Variants in PARD3 observed in about 807,000 individuals in gnomAD.
PARD3 encodes the protein par-3 family cell polarity regulator, also known as partitioning defective 3 homolog.
A neutral mutation model predicts 155.4 loss-of-function variants in PARD3; 75 were observed. The observed-to-expected ratio is 0.48, with a 90% CI of 0.40 to 0.58. The LOEUF (loss-of-function observed/expected upper bound fraction) is 0.58, where lower values mean the gene tolerates loss of function less well. Ranked by LOEUF, PARD3 falls within the 20% of genes least tolerant of loss-of-function variation. The pLI, the probability that PARD3 is intolerant of heterozygous loss-of-function variation, is 0.00. For synonymous variants in PARD3, 576 were observed against 610.5 expected (o/e 0.94, Z 0.83); for missense variants, 1,642 against 1,721.7 (o/e 0.95, Z 0.82).
At chr10:34,142,376 T>TAA (rs879790428) in intron 22 of PARD3, among the ~76,000 whole-genome samples, 46 of 144,354 alleles carry the variant, frequency 3.2e-4, no homozygotes, top group African/African-American at 1.1e-3. Context: ...ACCCCATCTC[T>TAA]AAAAAAAAAA....
chr10:34,629,637 A>G (rs1241722280), intron 2 of PARD3, among the ~76,000 whole-genome samples: 1 of 152,244 alleles, frequency 6.6e-6, no homozygotes, highest in Admixed American at 6.5e-5. Flanking sequence ...CAAAATTAAT[A>G]TTGCACTGCA....
intron 2 of PARD3, among the ~76,000 whole-genome samples, chr10:34,643,229 C>T (rs2092734373): frequency 6.6e-6 from 1 of 152,246 alleles, no homozygotes; most frequent in Admixed American, 6.5e-5. Flanking sequence ...CCTGGAGCCC[C>T]CTCGTCTTGT....
chr10:34,459,012 A>C (rs578119919), intron 4 of PARD3, among the ~76,000 whole-genome samples: 123 of 152,224 alleles, frequency 8.1e-4, no homozygotes, highest in Non-Finnish European at 1.6e-3. Context: ...AATCTTGAAG[A>C]TCTTGACTCA....
intron 3 of PARD3, among the ~76,000 whole-genome samples, chr10:34,481,818 T>A (rs1329623661): frequency 1.3e-5 from 2 of 152,086 alleles, no homozygotes; most frequent in East Asian, 3.9e-4. Context: ...CACTCTAAAG[T>A]GAATCCCATT....
chr10:34,667,642 G>C (rs1249534033), intron 2 of PARD3, among the ~76,000 whole-genome samples: 1 of 152,178 alleles, frequency 6.6e-6, no homozygotes, highest in Non-Finnish European at 1.5e-5. Flanking sequence ...ATGATTCTAA[G>C]CATTAAGGCA....
At chr10:34,550,854 A>G (rs1172376520) in intron 2 of PARD3, among the ~76,000 whole-genome samples, 1 of 152,212 alleles carries the variant, frequency 6.6e-6, no homozygotes, top group Non-Finnish European at 1.5e-5. Flanking sequence ...TCACCTATGC[A>G]TTATTTTAAA....
intron 12 of PARD3, among the ~76,000 whole-genome samples, chr10:34,365,306 A>C (rs1189036624): frequency 6.6e-6 from 1 of 152,250 alleles, no homozygotes; most frequent in African/African-American, 2.4e-5. Context: ...TTCAGCTAAT[A>C]AAGTGTCTTA....
chr10:34,438,077 C>A (rs773962), intron 5 of PARD3, among the ~76,000 whole-genome samples: 88,325 of 151,906 alleles, frequency 0.58, 26,688 homozygotes, highest in Middle Eastern at 0.67. Flanking sequence ...GGCTTTCCCA[C>A]GGCTAGTGTG....
At chr10:34,301,544 C>T (rs1957145351) in intron 20 of PARD3, among the ~76,000 whole-genome samples, 2 of 152,096 alleles carry the variant, frequency 1.3e-5, no homozygotes, top group South Asian at 2.1e-4. Context: ...TCCCTCTATA[C>T]GCACTTCCCA....
intron 22 of PARD3, among the ~76,000 whole-genome samples, chr10:34,150,279 T>G (rs931836608): frequency 1.3e-5 from 2 of 152,112 alleles, no homozygotes; most frequent in Non-Finnish European, 2.9e-5. Flanking sequence ...AGTGGGTCAT[T>G]AGAAACCCAT....
chr10:34,405,839 CAGA>C (rs1432339682), intron 5 of PARD3, among the ~76,000 whole-genome samples: 1 of 152,204 alleles, frequency 6.6e-6, no homozygotes, highest in Non-Finnish European at 1.5e-5. Flanking sequence ...CTGGCACACA[CAGA>C]AGAACCCTAG....
chr10:34,367,612 G>A (rs1840100280), intron 12 of PARD3, among the ~76,000 whole-genome samples: 1 of 152,162 alleles, frequency 6.6e-6, no homozygotes, highest in Non-Finnish European at 1.5e-5. Context: ...GCTAAGGCAG[G>A]AGAATTGCTT....
At chr10:34,532,943 C>T (rs866453737) in intron 2 of PARD3, among the ~76,000 whole-genome samples, 1 of 152,116 alleles carries the variant, frequency 6.6e-6, no homozygotes, top group Non-Finnish European at 1.5e-5. Flanking sequence ...TGGAGGTATA[C>T]CCTATTACAC....
rs1325886166 is a variant in PARD3, at chr10:34,594,875, C to T, written c.223-77716G>A. 2.0e-5 allele frequency among the ~76,000 whole-genome samples: 3 copies of T among 152,210 alleles called. No homozygotes were observed. In the East Asian group the frequency reaches 5.8e-4, roughly 29 times the overall value. On this transcript the variant is annotated intron_variant, in intron 2 of 24. Coordinates refer to ENST00000374788, the MANE Select transcript of PARD3 (RefSeq NM_001184785.2). ...ATAAATAAAGTCAGTCAGATGAGGG[C>T]TTTTAACCAAGTTTTGGCATCTCCA...
intron 5 of PARD3, among the ~76,000 whole-genome samples, chr10:34,408,355 C>T (rs1261897065): frequency 6.6e-6 from 1 of 151,960 alleles, no homozygotes; most frequent in Non-Finnish European, 1.5e-5. Flanking sequence ...ACTAAATGTT[C>T]TTTTTCATAC....
At chr10:34,579,733 A>G (rs531895588) in intron 2 of PARD3, among the ~76,000 whole-genome samples, 48 of 151,588 alleles carry the variant, frequency 3.2e-4, no homozygotes, top group African/African-American at 1.1e-3. Flanking sequence ...GACGTGCACC[A>G]CCACGCCTGG....
intron 22 of PARD3, among the ~76,000 whole-genome samples, chr10:34,168,027 G>A (rs758973833): frequency 2.0e-5 from 3 of 150,790 alleles, no homozygotes; most frequent in Admixed American, 6.6e-5. Context: ...AGCAAAGGTC[G>A]TGTCATAGTA....
chr10:34,257,866 T>C (rs1954741899), intron 22 of PARD3, among the ~76,000 whole-genome samples: 1 of 152,246 alleles, frequency 6.6e-6, no homozygotes, highest in African/African-American at 2.4e-5. Context: ...ATTTCATTTG[T>C]TGGGTGTTTT....
chr10:34,711,370 A>G (rs1295702923), intron 1 of PARD3, among the ~76,000 whole-genome samples: 1 of 152,044 alleles, frequency 6.6e-6, no homozygotes, highest in Non-Finnish European at 1.5e-5. Flanking sequence ...AAATACAAAA[A>G]GCTAGCTGGG....
Sources: allele counts gnomAD v4.1 joint callset (sites outside exome capture counted in the v4.1 genomes callset), GRCh38; gene constraint gnomAD v4.1.1; transcripts MANE v1.5; gene names NCBI Gene and HGNC (gene_info 2026-07-23, HGNC 2026-07-21).